SNX29: variants seen among roughly 807,000 people sequenced by gnomAD.
SNX29 encodes sorting nexin-29.
In SNX29, 78 loss-of-function variants were observed where a neutral mutation model predicts 102.1. That is an observed-to-expected ratio of 0.76 (90% CI 0.64 to 0.92). The LOEUF is 0.92. Ranked by LOEUF, SNX29 falls within the 40% of genes least tolerant of loss-of-function variation. SNX29 has a pLI of 0.00. For synonymous variants in SNX29, 580 were observed against 414.5 expected (o/e 1.40, Z -4.85); for missense variants, 1,280 against 1,061.7 (o/e 1.21, Z -2.86).
intron 18 of SNX29, among the ~76,000 whole-genome samples, chr16:12,458,938 A>G (rs1036721764): frequency 1.3e-5 from 2 of 152,208 alleles, no homozygotes; most frequent in Non-Finnish European, 2.9e-5. Flanking sequence ...CTAAAACAAA[A>G]CAATTTTTTG....
intron 11 of SNX29, among the ~76,000 whole-genome samples, chr16:12,088,885 C>G (rs569367915): frequency 1.3e-5 from 2 of 152,146 alleles, no homozygotes; most frequent in East Asian, 1.9e-4. Context: ...GTCAGGAGTT[C>G]GAGACCAGCC....
intron 8 of SNX29, chr16:12,052,819 T>A (rs893015019): frequency 6.4e-6 from 1 of 156,758 alleles, no homozygotes; most frequent in Non-Finnish European, 1.4e-5. Context: ...CACAGTCTGA[T>A]GAGACTGTGC....
chr16:12,341,109 T>C (rs2081598957), intron 15 of SNX29, among the ~76,000 whole-genome samples: 1 of 152,012 alleles, frequency 6.6e-6, no homozygotes, highest in African/African-American at 2.4e-5. Flanking sequence ...CAACCTATGG[T>C]TACTATTATT....
At chr16:12,002,219 G>A (rs2056313520) in intron 2 of SNX29, among the ~76,000 whole-genome samples, 1 of 151,936 alleles carries the variant, frequency 6.6e-6, no homozygotes, top group African/African-American at 2.4e-5. Flanking sequence ...AGGCCAAGGC[G>A]GTCGGATCAC....
At chr16:12,544,745 G>A (rs1353975533) in intron 20 of SNX29, among the ~76,000 whole-genome samples, 1 of 152,200 alleles carries the variant, frequency 6.6e-6, no homozygotes, top group Non-Finnish European at 1.5e-5. Flanking sequence ...CCAGAGAGGT[G>A]AAGGGACGTG....
intron 14 of SNX29, among the ~76,000 whole-genome samples, chr16:12,233,477 G>A (rs1046370689): frequency 1.3e-5 from 2 of 152,114 alleles, no homozygotes; most frequent in African/African-American, 4.8e-5. Context: ...AAAACTACCA[G>A]TTGGATACTA....
rs140494390 is a variant in SNX29, at chr16:12,282,772, C to T, written c.1782+4736C>T. ...CCAGGTTCAAGCGATTCTTCTGCCTCAGCCTCCTGAGTAGCTGGAATTACA... is the reference window on the plus strand; with the variant it reads ...CCAGGTTCAAGCGATTCTTCTGCCTTAGCCTCCTGAGTAGCTGGAATTACA... On this transcript the variant is annotated intron_variant, in intron 15 of 20. Coordinates refer to ENST00000566228, the MANE Select transcript of SNX29 (RefSeq NM_032167.5). Among the ~76,000 whole-genome samples, 1,055 of 152,326 alleles carry T rather than the reference C, an allele frequency of 6.9e-3. 12 individuals are homozygous for T. Among genetic ancestry groups the T allele is most frequent in the African/African-American group, 0.024 (994 of 41,568 alleles).
At chr16:12,401,888 G>C (rs192417520) in intron 17 of SNX29, among the ~76,000 whole-genome samples, 1 of 152,300 alleles carries the variant, frequency 6.6e-6, no homozygotes, top group East Asian at 1.9e-4. Context: ...TTCTGATACA[G>C]TGTGGTCAAT....
At chr16:12,443,230 G>C (rs1206463918) in intron 18 of SNX29, 1 of 328,996 alleles carries the variant, frequency 3.0e-6, no homozygotes, top group Non-Finnish European at 6.0e-6. Flanking sequence ...TTGCGGCACT[G>C]AGACATCAGA....
intron 8 of SNX29, among the ~76,000 whole-genome samples, chr16:12,057,261 A>G (rs2050558642): frequency 6.6e-6 from 1 of 152,242 alleles, no homozygotes; most frequent in Admixed American, 6.5e-5. Flanking sequence ...AAAGTGAAAC[A>G]AGACTCCATA....
At chr16:11,990,568 G>A (rs1366887481) in intron 1 of SNX29, among the ~76,000 whole-genome samples, 1 of 152,120 alleles carries the variant, frequency 6.6e-6, no homozygotes, top group Non-Finnish European at 1.5e-5. Flanking sequence ...TGTGGATTTT[G>A]GGGGGTGGGA....
At chr16:12,338,792 C>G (rs944877558) in intron 15 of SNX29, among the ~76,000 whole-genome samples, 7 of 152,180 alleles carry the variant, frequency 4.6e-5, no homozygotes, top group African/African-American at 1.7e-4. Context: ...CCATCCCCAC[C>G]CCCAGACCCA....
chr16:12,156,527 C>A (rs768170976), intron 13 of SNX29, among the ~76,000 whole-genome samples: 12 of 151,966 alleles, frequency 7.9e-5, no homozygotes, highest in Middle Eastern at 3.2e-3. Flanking sequence ...CTTGCCTCTT[C>A]CTGCCCCCAG....
At chr16:12,325,296 A>G (rs2081082651) in intron 15 of SNX29, among the ~76,000 whole-genome samples, 1 of 152,202 alleles carries the variant, frequency 6.6e-6, no homozygotes, top group Non-Finnish European at 1.5e-5. Context: ...ATCATAACAG[A>G]TTTTAATTTG....
At position 12,235,439 on chromosome 16, in the gene SNX29, T is replaced by C. The variant is rs1389230061; in HGVS notation, c.1678+35756T>C. 2.0e-5 allele frequency among the ~76,000 whole-genome samples: 3 copies of C among 152,178 alleles called. No homozygotes were observed. In the South Asian group the frequency reaches 6.2e-4, roughly 31 times the overall value. ...CCATTTTCACATTTGGAGGTACATA[T>C]TTGGCATGTCAGATGGGAGCAGTAC... On this transcript the variant is annotated intron_variant, in intron 14 of 20. Coordinates refer to ENST00000566228, the MANE Select transcript of SNX29 (RefSeq NM_032167.5).
At chr16:12,147,478 A>C (rs1269774065) in intron 13 of SNX29, among the ~76,000 whole-genome samples, 1 of 152,196 alleles carries the variant, frequency 6.6e-6, no homozygotes, top group African/African-American at 2.4e-5. Flanking sequence ...AAGTAGGTAG[A>C]GGTGTCTAGA....
At chr16:12,192,574 C>T (rs1242080558) in intron 13 of SNX29, among the ~76,000 whole-genome samples, 2 of 152,142 alleles carry the variant, frequency 1.3e-5, no homozygotes, top group Non-Finnish European at 2.9e-5. Context: ...TGCAATGGTG[C>T]GATCACAGCT....
At chr16:12,433,707 C>T (rs1409393804) in intron 18 of SNX29, among the ~76,000 whole-genome samples, 1 of 151,586 alleles carries the variant, frequency 6.6e-6, no homozygotes, top group Non-Finnish European at 1.5e-5. Flanking sequence ...GCCTGTAATC[C>T]CAGGTACTTC....
At chr16:12,025,110 T>A (rs1365609311) in intron 3 of SNX29, among the ~76,000 whole-genome samples, 1 of 152,092 alleles carries the variant, frequency 6.6e-6, no homozygotes, top group Non-Finnish European at 1.5e-5. Context: ...GAGACCAGCC[T>A]GGCCGACATG....
Sources: allele counts gnomAD v4.1 joint callset (sites outside exome capture counted in the v4.1 genomes callset), GRCh38; gene constraint gnomAD v4.1.1; transcripts MANE v1.5; gene names NCBI Gene and HGNC (gene_info 2026-07-23, HGNC 2026-07-21).